HDAC9: variants seen among roughly 807,000 people sequenced by gnomAD.
HDAC9 encodes the protein histone deacetylase 9, also known as MEF-2 interacting transcription repressor (MITR) protein.
A neutral mutation model predicts 139.4 loss-of-function variants in HDAC9; 41 were observed. The observed-to-expected ratio is 0.29, with a 90% CI of 0.23 to 0.38. The LOEUF is 0.38. Among genes scored for constraint, HDAC9 ranks in the 10% least tolerant of loss-of-function variants. The probability of loss-of-function intolerance (pLI) is 1.00; values close to 1 mark genes in which losing one functional copy is unlikely to be tolerated. For synonymous variants in HDAC9, 517 were observed against 476.2 expected (o/e 1.09, Z -1.12); for missense variants, 1,147 against 1,297.0 (o/e 0.88, Z 1.78).
chr7:18,443,816 A>G (rs1276806087), intron 1 of HDAC9, among the ~76,000 whole-genome samples: 2 of 151,274 alleles, frequency 1.3e-5, no homozygotes, highest in African/African-American at 4.8e-5. Context: ...ATATATATAC[A>G]TATATATATA....
intron 1 of HDAC9, among the ~76,000 whole-genome samples, chr7:18,446,240 G>T (rs1307571124): frequency 6.6e-6 from 1 of 152,178 alleles, no homozygotes; most frequent in Non-Finnish European, 1.5e-5. Context: ...TCAGAAGATG[G>T]CCAAAAATAA....
chr7:18,377,157 C>G (rs10278785), intron 1 of HDAC9, among the ~76,000 whole-genome samples: 35,604 of 151,830 alleles, frequency 0.23, 4,344 homozygotes, highest in East Asian at 0.3. Flanking sequence ...CTGGTGGGAG[C>G]CTGCTTCCTG....
chr7:18,695,520 G>A (rs1782982527), intron 12 of HDAC9, among the ~76,000 whole-genome samples: 1 of 152,162 alleles, frequency 6.6e-6, no homozygotes, highest in South Asian at 2.1e-4. Context: ...CTTCCAATCA[G>A]TGACCAGAAT....
intron 1 of HDAC9, among the ~76,000 whole-genome samples, chr7:18,137,722 A>C (rs1441838972): frequency 6.6e-6 from 1 of 152,042 alleles, no homozygotes; most frequent in Non-Finnish European, 1.5e-5. Flanking sequence ...TTTTATTGAG[A>C]ATTTTTGCAT....
intron 25 of HDAC9, among the ~76,000 whole-genome samples, chr7:18,982,073 C>T (rs1481204614): frequency 6.6e-6 from 1 of 152,062 alleles, no homozygotes; most frequent in East Asian, 1.9e-4. Flanking sequence ...AAAAGGCATT[C>T]AAGATGTCTT....
intron 22 of HDAC9, chr7:18,907,022 A>T (rs1802318188): frequency 6.6e-6 from 1 of 152,228 alleles, no homozygotes; most frequent in African/African-American, 2.4e-5. Flanking sequence ...CTCTCTTTTC[A>T]CATCGGGAGC....
At chr7:18,953,254 T>C (rs554653158) in intron 23 of HDAC9, among the ~76,000 whole-genome samples, 2 of 152,218 alleles carry the variant, frequency 1.3e-5, no homozygotes, top group Admixed American at 1.3e-4. Context: ...TTTTTGTTAA[T>C]CCTTTTGTTA....
At chr7:18,975,196 G>A (rs1784477258) in intron 24 of HDAC9, among the ~76,000 whole-genome samples, 1 of 152,082 alleles carries the variant, frequency 6.6e-6, no homozygotes, top group South Asian at 2.1e-4. Context: ...ATGACATATG[G>A]ATGGGCTCCA....
intron 17 of HDAC9, among the ~76,000 whole-genome samples, chr7:18,809,368 G>A (rs1054691256): frequency 6.6e-6 from 1 of 151,946 alleles, no homozygotes; most frequent in African/African-American, 2.4e-5. Context: ...CCTCTGCATA[G>A]CAAAGAAAAC....
intron 1 of HDAC9, among the ~76,000 whole-genome samples, chr7:18,299,145 G>A (rs914805939): frequency 6.6e-6 from 1 of 151,402 alleles, no homozygotes; most frequent in African/African-American, 2.4e-5. Context: ...TACATTTAAT[G>A]TTTATGCAAG....
chr7:18,641,905 G>C (rs968873372), intron 8 of HDAC9, among the ~76,000 whole-genome samples: 17 of 152,186 alleles, frequency 1.1e-4, no homozygotes, highest in African/African-American at 3.9e-4. Context: ...GTCTTATTAA[G>C]AGATAAACGT....
intron 11 of HDAC9, among the ~76,000 whole-genome samples, chr7:18,659,749 G>A (rs755110656): frequency 4.6e-5 from 7 of 152,122 alleles, no homozygotes; most frequent in Non-Finnish European, 7.4e-5. Context: ...GGTGTCAGAC[G>A]AGTGGCACAC....
intron 16 of HDAC9, among the ~76,000 whole-genome samples, chr7:18,768,283 A>G (rs1040803437): frequency 6.6e-6 from 1 of 152,200 alleles, no homozygotes; most frequent in Non-Finnish European, 1.5e-5. Context: ...GGGGTGATGT[A>G]CACATCCTTG....
intron 22 of HDAC9, among the ~76,000 whole-genome samples, chr7:18,931,283 C>CT (rs1378720358): frequency 6.6e-6 from 1 of 151,966 alleles, no homozygotes; most frequent in African/African-American, 2.4e-5. Context: ...GTTTATCATT[C>CT]TTTTTATTGT....
chr7:18,639,224 G>A (rs897772430), intron 8 of HDAC9, among the ~76,000 whole-genome samples: 1 of 152,052 alleles, frequency 6.6e-6, no homozygotes, highest in African/African-American at 2.4e-5. Flanking sequence ...CATAATAGTT[G>A]TTGTGACATT....
intron 14 of HDAC9, among the ~76,000 whole-genome samples, chr7:18,753,380 A>G (rs543952701): frequency 1.3e-5 from 2 of 152,168 alleles, no homozygotes; most frequent in Admixed American, 1.3e-4. Context: ...GTTACATGTG[A>G]GAGTGTGAAA....
intron 12 of HDAC9, among the ~76,000 whole-genome samples, chr7:18,675,449 G>A (rs73313327): frequency 0.02 from 3,008 of 152,072 alleles, 116 homozygotes; most frequent in African/African-American, 0.069. Context: ...CTTTAAATGT[G>A]TTAACATGTT....
At chr7:18,349,429 A>T (rs969441378) in intron 1 of HDAC9, among the ~76,000 whole-genome samples, 1 of 151,696 alleles carries the variant, frequency 6.6e-6, no homozygotes, top group Non-Finnish European at 1.5e-5. Context: ...TAACATCTTA[A>T]CATCTAATAT....
At chr7:18,353,006 C>T (rs1041548641) in intron 1 of HDAC9, among the ~76,000 whole-genome samples, 1 of 152,008 alleles carries the variant, frequency 6.6e-6, no homozygotes, top group Non-Finnish European at 1.5e-5. Flanking sequence ...GAACAAATAC[C>T]CTGCTAGTTA....
Sources: gnomAD v4.1 joint callset for allele counts (sites outside exome capture counted in the v4.1 genomes callset) on GRCh38, gnomAD v4.1.1 for gene constraint, MANE v1.5 for transcripts, NCBI Gene and HGNC (gene_info 2026-07-23, HGNC 2026-07-21) for gene names.